The following CRIM1 variants were observed in gnomAD, a reference collection of about 807,000 sequenced individuals.
CRIM1 encodes cysteine-rich motor neuron 1 protein.
Under a neutral mutation model 116.4 loss-of-function variants are expected in CRIM1, and 32 were observed. That is an observed-to-expected ratio of 0.27 (90% CI 0.21 to 0.37). The LOEUF is 0.37. Among genes scored for constraint, CRIM1 ranks in the 10% least tolerant of loss-of-function variants. The pLI is 1.00. For missense variants in CRIM1, 1,331 were observed against 1,354.8 expected (o/e 0.98, Z 0.28); for synonymous variants, 590 against 509.2 (o/e 1.16, Z -2.13).
At chr2:36,363,013 C>T (rs1379896740) in intron 1 of CRIM1, among the ~76,000 whole-genome samples, 1 of 151,980 alleles carries the variant, frequency 6.6e-6, no homozygotes, top group African/African-American at 2.4e-5. Context: ...GTCTGGCCAA[C>T]ATGGTGAAAC....
At chr2:36,448,474 T>A (rs1236374370) in intron 4 of CRIM1, among the ~76,000 whole-genome samples, 1 of 152,240 alleles carries the variant, frequency 6.6e-6, no homozygotes, top group Non-Finnish European at 1.5e-5. Context: ...TTTTACAGAC[T>A]CTTCACTTTG....
At chr2:36,365,807 C>T (rs1039578280) in intron 1 of CRIM1, among the ~76,000 whole-genome samples, 17 of 150,188 alleles carry the variant, frequency 1.1e-4, no homozygotes, top group African/African-American at 2.9e-4. Flanking sequence ...GATCTCAGCT[C>T]ACTGCAACCT....
intron 13 of CRIM1, among the ~76,000 whole-genome samples, chr2:36,533,748 C>G (rs549875889): frequency 7.9e-5 from 12 of 152,324 alleles, no homozygotes; most frequent in African/African-American, 2.9e-4. Flanking sequence ...TATGCTGTAG[C>G]TCAGCATTTG....
In CRIM1 at chr2:36,495,491, T is replaced by A. The variant is rs546192530; in HGVS notation, c.1373-3728T>A. 6.5e-3 allele frequency among the ~76,000 whole-genome samples: 954 copies of A among 146,630 alleles called. 13 individuals carry two copies. Among genetic ancestry groups the A allele is most frequent in the African/African-American group, 0.022 (858 of 38,218 alleles). Reference sequence around the variant, plus strand: ...TATTTATTTATTTTTTTTTTTTTTTTTTTTTGGATGAGAAACAGTCATACT... The same window carrying A: ...TATTTATTTATTTTTTTTTTTTTTTATTTTTGGATGAGAAACAGTCATACT... On this transcript the variant is annotated intron_variant, in intron 7 of 16. Transcript: ENST00000280527.
At chr2:36,373,614 T>C (rs1203110995) in intron 1 of CRIM1, among the ~76,000 whole-genome samples, 2 of 152,178 alleles carry the variant, frequency 1.3e-5, no homozygotes, top group Non-Finnish European at 2.9e-5. Flanking sequence ...AATGAAGTCA[T>C]CATTTGCGGA....
At chr2:36,491,067 A>G (rs982788463) in intron 7 of CRIM1, among the ~76,000 whole-genome samples, 2 of 152,228 alleles carry the variant, frequency 1.3e-5, no homozygotes, top group Non-Finnish European at 2.9e-5. Flanking sequence ...ATGACTGCCT[A>G]GCTGTTTTCA....
At chr2:36,451,852 GA>G (rs1237758481) in intron 4 of CRIM1, among the ~76,000 whole-genome samples, 3 of 152,172 alleles carry the variant, frequency 2.0e-5, no homozygotes, top group Non-Finnish European at 4.4e-5. Context: ...TCAGAGCTCA[GA>G]AAGCACTTCT....
At chr2:36,378,347 T>C in intron 1 of CRIM1, 1 of 471,202 alleles carries the variant, frequency 2.1e-6, no homozygotes, top group Non-Finnish European at 4.4e-6. Context: ...CCTAACATGT[T>C]TCTCTCTAGC....
chr2:36,361,310 C>G (rs1669208334), intron 1 of CRIM1, among the ~76,000 whole-genome samples: 1 of 152,122 alleles, frequency 6.6e-6, no homozygotes, highest in Non-Finnish European at 1.5e-5. Flanking sequence ...GGGTTGTAAG[C>G]AGTCAGATTA....
At chr2:36,398,462 T>C (rs1490051857) in intron 2 of CRIM1, among the ~76,000 whole-genome samples, 1 of 152,236 alleles carries the variant, frequency 6.6e-6, no homozygotes, top group Non-Finnish European at 1.5e-5. Flanking sequence ...GGCGTGTATT[T>C]ATGATCTTTG....
At chr2:36,429,091 C>A (rs899965223) in intron 2 of CRIM1, among the ~76,000 whole-genome samples, 2 of 152,132 alleles carry the variant, frequency 1.3e-5, no homozygotes, top group Non-Finnish European at 2.9e-5. Flanking sequence ...ATTGAATGGG[C>A]AAAAAAGCTG....
At chr2:36,504,986 A>G (rs1339071904) in intron 8 of CRIM1, among the ~76,000 whole-genome samples, 1 of 152,228 alleles carries the variant, frequency 6.6e-6, no homozygotes, top group Non-Finnish European at 1.5e-5. Flanking sequence ...ATTCTGCATC[A>G]GTCAGCAGAG....
chr2:36,430,946 C>G (rs1182743975), intron 2 of CRIM1, among the ~76,000 whole-genome samples: 4 of 152,150 alleles, frequency 2.6e-5, no homozygotes, highest in Non-Finnish European at 5.9e-5. Context: ...GAGAAATTAC[C>G]TATATAAGGC....
chr2:36,475,252 C>G (rs1274731280), intron 5 of CRIM1, among the ~76,000 whole-genome samples: 1 of 152,132 alleles, frequency 6.6e-6, no homozygotes, highest in Non-Finnish European at 1.5e-5. Flanking sequence ...TTTACTTAGG[C>G]CTTTTTAGTT....
intron 7 of CRIM1, among the ~76,000 whole-genome samples, chr2:36,492,293 G>A (rs1680283067): frequency 6.6e-6 from 1 of 152,140 alleles, no homozygotes; most frequent in Admixed American, 6.6e-5. Flanking sequence ...CAAGGATGTA[G>A]GTGTTGTTAT....
intron 7 of CRIM1, among the ~76,000 whole-genome samples, chr2:36,485,224 A>T (rs142844854): frequency 6.6e-6 from 1 of 152,128 alleles, no homozygotes; most frequent in Non-Finnish European, 1.5e-5. Context: ...CAAAAAATCC[A>T]CTATCTTTCT....
chr2:36,409,117 TA>T (rs1162970885), intron 2 of CRIM1, among the ~76,000 whole-genome samples: 2 of 151,976 alleles, frequency 1.3e-5, no homozygotes, highest in Admixed American at 1.3e-4. Context: ...TACGTAAAAA[TA>T]TACCACTAAG....
At chr2:36,363,344 A>C (rs948234443) in intron 1 of CRIM1, among the ~76,000 whole-genome samples, 7 of 152,154 alleles carry the variant, frequency 4.6e-5, no homozygotes, top group Non-Finnish European at 8.8e-5. Context: ...CAGTTAAAAG[A>C]ATGACTGGCA....
At chr2:36,468,784 T>G (rs1678251296) in intron 5 of CRIM1, among the ~76,000 whole-genome samples, 1 of 152,216 alleles carries the variant, frequency 6.6e-6, no homozygotes, top group Non-Finnish European at 1.5e-5. Context: ...GGCCCACCTC[T>G]CGTTCCTGGA....
Sources: allele counts gnomAD v4.1 joint callset (sites outside exome capture counted in the v4.1 genomes callset), GRCh38; gene constraint gnomAD v4.1.1; transcripts MANE v1.5; gene names NCBI Gene and HGNC (gene_info 2026-07-23, HGNC 2026-07-21).